Variants in CDS2 observed in about 807,000 individuals in gnomAD.
The protein encoded by CDS2 is phosphatidate cytidylyltransferase 2.
CDS2 carries 47 observed loss-of-function variants against 59.0 expected under a neutral mutation model. The ratio of observed to expected loss-of-function variants is 0.80; its 90% CI spans 0.63 to 1.02. The LOEUF (loss-of-function observed/expected upper bound fraction) is 1.02. Ranked by LOEUF, CDS2 falls within the 50% of genes least tolerant of loss-of-function variation. The probability of loss-of-function intolerance (pLI) is 0.00; values close to 1 mark genes in which losing one functional copy is unlikely to be tolerated. For synonymous variants in CDS2, 207 were observed against 206.4 expected, an observed-to-expected ratio of 1.00 and a Z score of -0.02; for missense variants, 356 against 558.9, an observed-to-expected ratio of 0.64 and a Z score of 3.66.
chr20:5,176,694 G>C lies in CDS2; in HGVS notation c.338G>C (p.Gly113Ala), dbSNP rs1248330405. The C allele has an allele frequency of 6.2e-7, 1 of 1,614,096 alleles. No homozygotes were observed. The highest frequency in any genetic ancestry group is 8.5e-7 in the Non-Finnish European group (1 of 1,179,966). The change falls in exon 4 of 13, where the codon GGC becomes GCC. Residue 113 changes from glycine to alanine, a missense_variant. Around this residue, in one of 5 missense-constraint regions of CDS2, gnomAD observed 87 missense variants for 193.3 expected, o/e 0.45. Transcript: ENST00000460006. Reference sequence around the variant, plus strand: ...TGTTTCCATGAGATAATCACTATTGGCTACAACGTCTACCACTCATATGAT... The same window carrying C: ...TGTTTCCATGAGATAATCACTATTGCCTACAACGTCTACCACTCATATGAT... ...IKCFHEIITI[G>A]YNVYHSYDLP...
At chr20:5,182,165 C>T (rs1047980481) in intron 5 of CDS2, among the ~76,000 whole-genome samples, 7 of 152,170 alleles carry the variant, frequency 4.6e-5, no homozygotes, top group Non-Finnish European at 8.8e-5. Flanking sequence ...GTGTGGTCTG[C>T]ATGATTATAA....
chr20:5,177,660 G>T (rs532872460), intron 4 of CDS2, among the ~76,000 whole-genome samples: 1 of 152,262 alleles, frequency 6.6e-6, no homozygotes, highest in South Asian at 2.1e-4. Context: ...TTGAAGCCAT[G>T]ACTTAGCCGG....
At chr20:5,170,398 T>C (rs990437742) in intron 1 of CDS2, among the ~76,000 whole-genome samples, 1 of 152,156 alleles carries the variant, frequency 6.6e-6, no homozygotes, top group African/African-American at 2.4e-5. Context: ...TGAGCAACTG[T>C]GTCTCCAAGC....
rs2091154193 is a variant in CDS2, at chr20:5,195,962, G to A, written c.*5728G>A. 6.6e-6 allele frequency: 1 copy of A among 152,132 alleles called. No homozygotes were observed. Among genetic ancestry groups the A allele is most frequent in the Non-Finnish European group, 1.5e-5 (1 of 68,042 alleles). 9.4% of individuals were successfully genotyped at this position (152,132 alleles called of 1,614,324 possible). A position where few individuals can be genotyped will look rare whatever the true frequency, so the allele number is the denominator to read the frequency against. On this transcript the variant is annotated 3_prime_UTR_variant, in exon 13 of 13. Coordinates refer to ENST00000460006, the MANE Select transcript of CDS2 (RefSeq NM_003818.4). ...TTTCTGAATGGGGGTGGGGAGTTGGGGCACGTGTGTGTAAGGGGAGGCTGC... is the reference window on the plus strand; with the variant it reads ...TTTCTGAATGGGGGTGGGGAGTTGGAGCACGTGTGTGTAAGGGGAGGCTGC...
At chr20:5,189,649 A>T in intron 11 of CDS2, 86 bp from the exon 12 acceptor site, 1 of 931,658 alleles carries the variant, frequency 1.1e-6, no homozygotes, top group East Asian at 2.4e-5. Context: ...CTCAGCACAG[A>T]AGCCTGACAT....
At chr20:5,171,544 C>G (rs996622385) in intron 1 of CDS2, among the ~76,000 whole-genome samples, 1 of 152,182 alleles carries the variant, frequency 6.6e-6, no homozygotes, top group Non-Finnish European at 1.5e-5. Context: ...TTACTGGCAA[C>G]TGGTGGTTGC....
At chr20:5,181,586 A>AC (rs1326418519) in intron 5 of CDS2, among the ~76,000 whole-genome samples, 1 of 152,224 alleles carries the variant, frequency 6.6e-6, no homozygotes, top group Admixed American at 6.5e-5. Flanking sequence ...GGCTTTGGGG[A>AC]CCATAGGGTC....
intron 1 of CDS2, among the ~76,000 whole-genome samples, chr20:5,158,226 A>G (rs944197137): frequency 3.4e-5 from 5 of 147,734 alleles, no homozygotes; most frequent in Non-Finnish European, 7.4e-5. Flanking sequence ...CTGGAGTGCA[A>G]TGGCACAGTC....
At chr20:5,129,755 A>G (rs1375890711) in intron 1 of CDS2, among the ~76,000 whole-genome samples, 1 of 136,320 alleles carries the variant, frequency 7.3e-6, no homozygotes, top group Non-Finnish European at 1.6e-5. Flanking sequence ...TTTTTTTTGT[A>G]TTTTTAGTAG....
At chr20:5,173,059 C>T (rs560077492) in intron 1 of CDS2, among the ~76,000 whole-genome samples, 19 of 152,142 alleles carry the variant, frequency 1.2e-4, no homozygotes, top group Non-Finnish European at 2.6e-4. Flanking sequence ...TAGTGAAGTC[C>T]GGAAATAACA....
intron 3 of CDS2, chr20:5,176,391 A>T: frequency 1.6e-5 from 3 of 186,478 alleles, no homozygotes; most frequent in East Asian, 1.3e-4. Flanking sequence ...ACCCTGTCTT[A>T]AAAAAAAAAA....
At chr20:5,149,761 G>T (rs1168341474) in intron 1 of CDS2, among the ~76,000 whole-genome samples, 1 of 151,492 alleles carries the variant, frequency 6.6e-6, no homozygotes, top group Non-Finnish European at 1.5e-5. Flanking sequence ...TTTTGCCGAG[G>T]CTGGAGTGAA....
chr20:5,164,093 A>T, intron 1 of CDS2, among the ~76,000 whole-genome samples: 1 of 151,820 alleles, frequency 6.6e-6, no homozygotes, highest in East Asian at 1.9e-4. Context: ...CCCACCCCAT[A>T]ATTTCTTCTA....
chr20:5,134,365 AT>A (rs1253044908), intron 1 of CDS2, among the ~76,000 whole-genome samples: 1 of 152,106 alleles, frequency 6.6e-6, no homozygotes, highest in Non-Finnish European at 1.5e-5. Context: ...CGGTGTCTGT[AT>A]TTCTGAGAGG....
chr20:5,163,365 G>A (rs1271818666), intron 1 of CDS2, among the ~76,000 whole-genome samples: 1 of 149,396 alleles, frequency 6.7e-6, no homozygotes, highest in Non-Finnish European at 1.5e-5. Flanking sequence ...GGATTCAATC[G>A]ATTCTCCTGC....
intron 2 of CDS2, among the ~76,000 whole-genome samples, chr20:5,174,335 C>T (rs2090978492): frequency 6.6e-6 from 1 of 152,144 alleles, no homozygotes; most frequent in Admixed American, 6.6e-5. Flanking sequence ...ATTCAGATCC[C>T]AGCTTTACTG....
intron 1 of CDS2, among the ~76,000 whole-genome samples, chr20:5,149,354 T>C (rs1260426585): frequency 2.0e-5 from 3 of 152,262 alleles, no homozygotes; most frequent in Non-Finnish European, 4.4e-5. Flanking sequence ...ATTTTTCTTA[T>C]TGACTTGTAA....
At chr20:5,170,794 A>G (rs1368436941) in intron 1 of CDS2, among the ~76,000 whole-genome samples, 1 of 152,248 alleles carries the variant, frequency 6.6e-6, no homozygotes, top group Non-Finnish European at 1.5e-5. Context: ...GAAAAGATCA[A>G]CAAAATTGAT....
intron 10 of CDS2, 58 bp downstream of exon 10, chr20:5,186,897 T>TCTCTTTGTAG (rs764881224): frequency 2.5e-6 from 4 of 1,576,188 alleles, no homozygotes. Flanking sequence ...CAAAGAGAGA[T>TCTCTTTGTAG]CCCCCTCCAT....
Sources: gnomAD v4.1 joint callset for allele counts (sites outside exome capture counted in the v4.1 genomes callset) on GRCh38, gnomAD v4.1.1 for gene constraint, gnomAD v4.1.1 regional missense constraint, MANE v1.5 for transcripts, NCBI Gene and HGNC (gene_info 2026-07-23, HGNC 2026-07-21) for gene names.